Variants in PPP2R2B observed in about 807,000 individuals in gnomAD.
The protein encoded by PPP2R2B is serine/threonine-protein phosphatase 2A 55 kDa regulatory subunit B beta isoform.
Under a neutral mutation model 46.0 loss-of-function variants are expected in PPP2R2B, and 5 were observed. That is an observed-to-expected ratio of 0.11 (90% CI 0.06 to 0.23). The LOEUF is 0.23. Ranked by LOEUF, PPP2R2B falls within the 10% of genes least tolerant of loss-of-function variation. The probability of loss-of-function intolerance (pLI) is 1.00; values close to 1 mark genes in which losing one functional copy is unlikely to be tolerated. For missense variants in PPP2R2B, 367 were observed against 575.0 expected, an observed-to-expected ratio of 0.64 and a Z score of 3.70; for synonymous variants, 215 against 206.7, an observed-to-expected ratio of 1.04 and a Z score of -0.34.
At chr5:146,648,410 C>T (rs191863126) in intron 6 of PPP2R2B, among the ~76,000 whole-genome samples, 1 of 152,234 alleles carries the variant, frequency 6.6e-6, no homozygotes, top group East Asian at 1.9e-4. Flanking sequence ...ACCTTCAGAG[C>T]TTTACTATAA....
intron 7 of PPP2R2B, among the ~76,000 whole-genome samples, chr5:146,625,285 T>C (rs955531107): frequency 1.3e-5 from 2 of 152,228 alleles, no homozygotes; most frequent in Admixed American, 1.3e-4. Flanking sequence ...TTCATGTAAG[T>C]TAAATATAAC....
At chr5:146,778,962 G>A (rs892519833) in intron 2 of PPP2R2B, among the ~76,000 whole-genome samples, 6 of 152,200 alleles carry the variant, frequency 3.9e-5, no homozygotes, top group African/African-American at 1.4e-4. Context: ...CAGCTGATCA[G>A]AAAACATTTA....
chr5:146,888,080 T>C (rs1305946484), intron 1 of PPP2R2B, among the ~76,000 whole-genome samples: 1 of 152,146 alleles, frequency 6.6e-6, no homozygotes, highest in African/African-American at 2.4e-5. Context: ...CAGTGTACAC[T>C]CCTCAGGCTC....
chr5:146,653,228 C>T (rs572635693), intron 5 of PPP2R2B, among the ~76,000 whole-genome samples: 4 of 152,224 alleles, frequency 2.6e-5, no homozygotes, highest in Admixed American at 6.5e-5. Flanking sequence ...CACTGTACCA[C>T]ATCACATTGA....
chr5:146,680,196 C>A (rs1778053086), intron 5 of PPP2R2B, among the ~76,000 whole-genome samples: 1 of 147,880 alleles, frequency 6.8e-6, no homozygotes, highest in Non-Finnish European at 1.5e-5. Context: ...ACATATACAC[C>A]ATGGAATACT....
At chr5:147,053,433 G>T (rs114970301) in intron 1 of PPP2R2B, among the ~76,000 whole-genome samples, 64 of 152,082 alleles carry the variant, frequency 4.2e-4, no homozygotes, top group African/African-American at 1.5e-3. Flanking sequence ...CTTTCACAGA[G>T]ATATTCACAC....
chr5:146,638,437 A>G, intron 6 of PPP2R2B, 22 bp from the exon 7 acceptor site: 1 of 1,562,582 alleles, frequency 6.4e-7, no homozygotes, highest in Non-Finnish European at 8.7e-7. Flanking sequence ...GAGTCAAGGA[A>G]GGAACCAGGA....
At chr5:146,890,585 G>C (rs1561498719) in intron 1 of PPP2R2B, among the ~76,000 whole-genome samples, 1 of 152,208 alleles carries the variant, frequency 6.6e-6, no homozygotes, top group African/African-American at 2.4e-5. Flanking sequence ...AGTTACAGAA[G>C]CCAGAATTCA....
chr5:146,742,083 A>G (rs1752908575), intron 2 of PPP2R2B, among the ~76,000 whole-genome samples: 2 of 152,316 alleles, frequency 1.3e-5, no homozygotes, highest in South Asian at 4.1e-4. Context: ...CGTTCTTACA[A>G]AGGAAAATGT....
chr5:146,714,617 A>G (rs1238895876), intron 2 of PPP2R2B, among the ~76,000 whole-genome samples: 1 of 152,208 alleles, frequency 6.6e-6, no homozygotes, highest in Non-Finnish European at 1.5e-5. Context: ...AACATTTGAA[A>G]TAAAATCTGT....
At position 146,655,692 on chromosome 5, in the gene PPP2R2B, C is replaced by T. The variant is rs1026562406; in HGVS notation, c.448-4968G>A. 4.6e-5 allele frequency among the ~76,000 whole-genome samples: 7 copies of T among 152,190 alleles called. No individual in the cohort carries two copies. In the East Asian group the frequency reaches 7.7e-4, roughly 17 times the overall value. On this transcript the variant is annotated intron_variant, in intron 5 of 9. Coordinates refer to ENST00000394411, the MANE Select transcript of PPP2R2B (RefSeq NM_181675.4). ...TGACTCAGGAGTCTATACCCTTAGT[C>T]GCTTAAGGCACACTCAGATGCTTGG...
At chr5:146,671,962 C>T (rs892767401) in intron 5 of PPP2R2B, among the ~76,000 whole-genome samples, 5 of 151,860 alleles carry the variant, frequency 3.3e-5, no homozygotes, top group East Asian at 1.9e-4. Flanking sequence ...ATAAGCAAAA[C>T]GGAGAGAATA....
intron 1 of PPP2R2B, among the ~76,000 whole-genome samples, chr5:146,952,858 A>G (rs941605659): frequency 7.9e-5 from 12 of 152,146 alleles, no homozygotes; most frequent in Non-Finnish European, 1.6e-4. Context: ...TAGCAAATGG[A>G]TGACCTGGAT....
At chr5:147,076,369 C>A (rs1757766219) in intron 2 of PPP2R2B, among the ~76,000 whole-genome samples, 1 of 152,008 alleles carries the variant, frequency 6.6e-6, no homozygotes, top group African/African-American at 2.4e-5. Context: ...CAGTATTTGA[C>A]ACACAGTACT....
chr5:146,707,111 T>A, intron 2 of PPP2R2B: 2 of 1,590,024 alleles, frequency 1.3e-6, no homozygotes, highest in Non-Finnish European at 1.7e-6. Context: ...AGCCCCTGCG[T>A]GTTGCCAAGC....
At chr5:146,850,759 ATCTT>A (rs1380672124) in intron 2 of PPP2R2B, among the ~76,000 whole-genome samples, 17 of 152,170 alleles carry the variant, frequency 1.1e-4, no homozygotes, top group Non-Finnish European at 1.3e-4. Flanking sequence ...TTGTACATTT[ATCTT>A]TATTATTCTT....
chr5:146,682,680 A>C (rs67818938), intron 5 of PPP2R2B, among the ~76,000 whole-genome samples: 28,525 of 152,166 alleles, frequency 0.19, 3,355 homozygotes, highest in East Asian at 0.38. Flanking sequence ...CATACTTAAT[A>C]AATGTCTGCA....
chr5:146,653,921 C>T (rs1010225548), intron 5 of PPP2R2B, among the ~76,000 whole-genome samples: 14 of 152,256 alleles, frequency 9.2e-5, no homozygotes, highest in African/African-American at 3.1e-4. Flanking sequence ...TTGTCTGCTG[C>T]CCAGTGACTC....
chr5:146,613,795 G>C (rs1163545427), intron 7 of PPP2R2B, among the ~76,000 whole-genome samples: 7 of 143,524 alleles, frequency 4.9e-5, no homozygotes, highest in Non-Finnish European at 1.0e-4. Context: ...ACTTACAAGG[G>C]ATAGGAAGGA....
Sources: allele counts gnomAD v4.1 joint callset (sites outside exome capture counted in the v4.1 genomes callset), GRCh38; gene constraint gnomAD v4.1.1; transcripts MANE v1.5; gene names NCBI Gene and HGNC (gene_info 2026-07-23, HGNC 2026-07-21).